The following CABLES1 variants were observed in gnomAD, a reference collection of about 807,000 sequenced individuals.
CABLES1 encodes the protein CDK5 and ABL1 enzyme substrate 1.
A neutral mutation model predicts 57.8 loss-of-function variants in CABLES1; 36 were observed. The ratio of observed to expected loss-of-function variants is 0.62; its 90% CI spans 0.48 to 0.82. The LOEUF is 0.82. Ranked by LOEUF, CABLES1 falls within the 40% of genes least tolerant of loss-of-function variation. CABLES1 has a pLI of 0.00. For synonymous variants in CABLES1, 374 were observed against 363.0 expected, an observed-to-expected ratio of 1.03 and a Z score of -0.35; for missense variants, 767 against 836.6, an observed-to-expected ratio of 0.92 and a Z score of 1.03.
At chr18:23,144,052 C>T (rs984544694) in intron 1 of CABLES1, among the ~76,000 whole-genome samples, 7 of 152,234 alleles carry the variant, frequency 4.6e-5, no homozygotes, top group African/African-American at 1.7e-4. Context: ...CACTCTCAGG[C>T]TTCTCCTGGG....
intron 1 of CABLES1, among the ~76,000 whole-genome samples, chr18:23,154,001 G>A (rs1055912712): frequency 6.6e-6 from 1 of 152,110 alleles, no homozygotes; most frequent in Non-Finnish European, 1.5e-5. Context: ...ACCCACTCCA[G>A]CCTGGGTGAC....
intron 4 of CABLES1, among the ~76,000 whole-genome samples, chr18:23,232,926 G>A (rs1162282097): frequency 6.6e-6 from 1 of 151,672 alleles, no homozygotes; most frequent in Admixed American, 6.6e-5. Flanking sequence ...CTCACCACTC[G>A]CTTGGCTCCC....
At chr18:23,147,447 G>C (rs895221284) in intron 1 of CABLES1, among the ~76,000 whole-genome samples, 1 of 152,224 alleles carries the variant, frequency 6.6e-6, no homozygotes, top group Non-Finnish European at 1.5e-5. Flanking sequence ...ACCTAGCAAA[G>C]GTTTGGCCCT....
chr18:23,180,755 A>G (rs1211620765), intron 1 of CABLES1, among the ~76,000 whole-genome samples: 1 of 152,152 alleles, frequency 6.6e-6, no homozygotes, highest in Non-Finnish European at 1.5e-5. Flanking sequence ...AAACAGTTAC[A>G]AACTACAGAT....
chr18:23,194,082 GT>G (rs2047264735), intron 2 of CABLES1, among the ~76,000 whole-genome samples: 1 of 152,036 alleles, frequency 6.6e-6, no homozygotes, highest in Admixed American at 6.6e-5. Context: ...TAAATGTACA[GT>G]TTTTGGTTCC....
intron 4 of CABLES1, among the ~76,000 whole-genome samples, chr18:23,228,330 G>A (rs998807655): frequency 9.9e-5 from 15 of 152,104 alleles, no homozygotes; most frequent in African/African-American, 3.4e-4. Flanking sequence ...AGAGTCGGCC[G>A]TTTTATGATT....
intron 4 of CABLES1, among the ~76,000 whole-genome samples, chr18:23,216,742 C>T (rs1730417873): frequency 6.6e-6 from 1 of 152,198 alleles, no homozygotes; most frequent in Non-Finnish European, 1.5e-5. Context: ...GCACTCAGAC[C>T]ATCTCCACTG....
intron 1 of CABLES1, among the ~76,000 whole-genome samples, chr18:23,187,970 A>G (rs1377952741): frequency 2.0e-5 from 3 of 152,230 alleles, no homozygotes; most frequent in African/African-American, 7.2e-5. Flanking sequence ...ATGTAGTAAA[A>G]AATAGACTTA....
At chr18:23,158,119 TAAA>T (rs34187186) in intron 1 of CABLES1, among the ~76,000 whole-genome samples, 51 of 128,120 alleles carry the variant, frequency 4.0e-4, no homozygotes, top group African/African-American at 1.1e-3. Flanking sequence ...CCATCTCTAT[TAAA>T]AAAAAAAAAA....
chr18:23,164,993 G>A (rs932518298), intron 1 of CABLES1, among the ~76,000 whole-genome samples: 33 of 151,976 alleles, frequency 2.2e-4, no homozygotes, highest in Admixed American at 2.1e-3. Context: ...GGCTGGTCTC[G>A]AACTCCTGAA....
intron 4 of CABLES1, among the ~76,000 whole-genome samples, chr18:23,233,180 C>G (rs2047578787): frequency 6.6e-6 from 1 of 152,130 alleles, no homozygotes; most frequent in African/African-American, 2.4e-5. Flanking sequence ...GTTTAAAACT[C>G]CTGGTGTCCA....
chr18:23,164,655 A>C (rs529564431), intron 1 of CABLES1, among the ~76,000 whole-genome samples: 1 of 119,472 alleles, frequency 8.4e-6, no homozygotes, highest in South Asian at 3.0e-4. Context: ...ACCACACTAA[A>C]GCTTTTTTTT....
chr18:23,153,208 A>ACCTCAG (rs1184520353), intron 1 of CABLES1, among the ~76,000 whole-genome samples: 1 of 150,852 alleles, frequency 6.6e-6, no homozygotes, highest in African/African-American at 2.4e-5. Flanking sequence ...CAATCCTCCC[A>ACCTCAG]CCTCAGCCAC....
At chr18:23,162,768 G>A (rs2047014020) in intron 1 of CABLES1, among the ~76,000 whole-genome samples, 1 of 152,174 alleles carries the variant, frequency 6.6e-6, no homozygotes, top group Admixed American at 6.5e-5. Flanking sequence ...TAACTGCGAC[G>A]TGTTCCAAGG....
chr18:23,141,493 C>T (rs1240279970), intron 1 of CABLES1, among the ~76,000 whole-genome samples: 1 of 152,206 alleles, frequency 6.6e-6, no homozygotes, highest in African/African-American at 2.4e-5. Context: ...CACCTGACCC[C>T]TCAGGATTTC....
chr18:23,142,774 T>C (rs536867716), intron 1 of CABLES1, among the ~76,000 whole-genome samples: 118 of 152,246 alleles, frequency 7.8e-4, no homozygotes, highest in African/African-American at 2.5e-3. Context: ...AGTGAGTGGT[T>C]AGAGGTGAGC....
chr18:23,187,950 G>A (rs1372428550), intron 1 of CABLES1, among the ~76,000 whole-genome samples: 1 of 152,198 alleles, frequency 6.6e-6, no homozygotes, highest in Non-Finnish European at 1.5e-5. Context: ...CCTAGGCTAT[G>A]TTTTGCCAAA....
At chr18:23,187,419 G>A (rs945548803) in intron 1 of CABLES1, among the ~76,000 whole-genome samples, 4 of 152,162 alleles carry the variant, frequency 2.6e-5, no homozygotes, top group African/African-American at 4.8e-5. Context: ...ACGGAGTCTC[G>A]CTCTGTCTCC....
At chr18:23,150,333 C>T (rs566760649) in intron 1 of CABLES1, among the ~76,000 whole-genome samples, 5 of 151,660 alleles carry the variant, frequency 3.3e-5, no homozygotes, top group South Asian at 4.2e-4. Context: ...CTCAGCCTCC[C>T]GAGTAGCTGG....
Sources: gnomAD v4.1 joint callset for allele counts (sites outside exome capture counted in the v4.1 genomes callset) on GRCh38, gnomAD v4.1.1 for gene constraint, MANE v1.5 for transcripts, NCBI Gene and HGNC (gene_info 2026-07-23, HGNC 2026-07-21) for gene names.